METTL6: variants seen among roughly 807,000 people sequenced by gnomAD.
METTL6 encodes tRNA N(3)-cytidine methyltransferase METTL6.
A neutral mutation model predicts 26.4 loss-of-function variants in METTL6; 22 were observed. The observed-to-expected ratio is 0.83, with a 90% CI of 0.59 to 1.19. The LOEUF (loss-of-function observed/expected upper bound fraction) is 1.19. Ranked by LOEUF, METTL6 falls within the 50% of genes most tolerant of loss-of-function variation. The pLI is 0.00. For missense variants in METTL6, 304 were observed against 324.8 expected (o/e 0.94, Z 0.49); for synonymous variants, 109 against 116.2 (o/e 0.94, Z 0.40).
intron 6 of METTL6, chr3:15,399,554 GTGTGT>G: frequency 6.7e-6 from 1 of 149,816 alleles, no homozygotes. Context: ...TTGTGTGTGT[GTGTGT>G]GTGTGTGTGT....
chr3:15,410,640 T>C lies in METTL6; in HGVS notation c.*616A>G, dbSNP rs961054906. 2.6e-5 allele frequency among the ~76,000 whole-genome samples: 4 copies of C among 151,998 alleles called. No individual in the cohort carries two copies. Among genetic ancestry groups the C allele is most frequent in the African/African-American group, 9.7e-5 (4 of 41,362 alleles). ...CTTAAGAAAAGTAACTGACTGCAGT[T>C]GAAAACAGGTAATTGAAATTGTGGT... On this transcript the variant is annotated 3_prime_UTR_variant, in exon 6 of 6. Coordinates refer to ENST00000383790, the MANE Select transcript of METTL6 (RefSeq NM_152396.4).
chr3:15,389,388 T>A (rs2124896360), intron 6 of METTL6, among the ~76,000 whole-genome samples: 1 of 152,282 alleles, frequency 6.6e-6, no homozygotes, highest in East Asian at 1.9e-4. Context: ...AACGATCGTT[T>A]TCCTTGGTGG....
At chr3:15,419,185 T>TTA (rs1553630240) in intron 3 of METTL6, among the ~76,000 whole-genome samples, 1 of 148,676 alleles carries the variant, frequency 6.7e-6, no homozygotes, top group East Asian at 2.0e-4. Context: ...AATCCTTGTG[T>TTA]AAAAAAAAAA....
chr3:15,395,722 TTGTC>T (rs1299748397), intron 6 of METTL6, among the ~76,000 whole-genome samples: 1 of 152,192 alleles, frequency 6.6e-6, no homozygotes, highest in African/African-American at 2.4e-5. Flanking sequence ...CAGCATTTGC[TTGTC>T]TGTATTTTAT....
chr3:15,424,465 C>T (rs1201055310), intron 3 of METTL6, among the ~76,000 whole-genome samples: 2 of 152,142 alleles, frequency 1.3e-5, no homozygotes, highest in East Asian at 1.9e-4. Flanking sequence ...CAAGGTTTCA[C>T]CATGTTGCCC....
At chr3:15,384,147 A>G (rs1699131825) in exon 7 of METTL6, 2 of 400,058 alleles carry the variant, frequency 5.0e-6, no homozygotes, top group South Asian at 3.5e-5. Flanking sequence ...ACAGCCAGAT[A>G]TCCTACAAAG....
exon 7 of METTL6, chr3:15,382,185 G>C (rs372322050): frequency 6.6e-6 from 1 of 152,086 alleles, no homozygotes; most frequent in East Asian, 1.9e-4. Flanking sequence ...GAAGTGCTGG[G>C]ATTATAGGCA....
chr3:15,395,506 G>T (rs1699462412), intron 6 of METTL6, among the ~76,000 whole-genome samples: 1 of 151,792 alleles, frequency 6.6e-6, no homozygotes, highest in Non-Finnish European at 1.5e-5. Context: ...TACATTTAAG[G>T]TTAATATGGT....
chr3:15,405,930 C>T (rs531177369), downstream of METTL6, among the ~76,000 whole-genome samples: 38 of 152,232 alleles, frequency 2.5e-4, no homozygotes, highest in Non-Finnish European at 8.8e-5. Flanking sequence ...AAGTCCTGCA[C>T]TTGAACCCAT....
At chr3:15,391,231 G>A (rs927998350) in intron 6 of METTL6, among the ~76,000 whole-genome samples, 5 of 152,228 alleles carry the variant, frequency 3.3e-5, no homozygotes, top group African/African-American at 1.2e-4. Flanking sequence ...ACAGGATGGG[G>A]AAATGGCAGG....
intron 1 of METTL6, 148 bp from the exon 2 acceptor site, chr3:15,426,783 C>T (rs2061735307): frequency 3.9e-6 from 2 of 508,496 alleles, no homozygotes; most frequent in East Asian, 6.6e-5. Flanking sequence ...ACACACAGTC[C>T]CTACCTTCAG....
chr3:15,404,929 T>C (rs767966647), downstream of METTL6, among the ~76,000 whole-genome samples: 32 of 152,220 alleles, frequency 2.1e-4, no homozygotes, highest in Non-Finnish European at 2.9e-4. Context: ...ATAGAGAACA[T>C]GGCCCTGCAA....
chr3:15,425,131 A>G, intron 2 of METTL6, 42 bp from the exon 3 acceptor site: 1 of 1,603,914 alleles, frequency 6.2e-7, no homozygotes, highest in Non-Finnish European at 8.5e-7. Flanking sequence ...TCACATTTGC[A>G]TAATGAAGAA....
chr3:15,403,498 T>C (rs1222771404), intron 6 of METTL6, among the ~76,000 whole-genome samples: 1 of 152,226 alleles, frequency 6.6e-6, no homozygotes, highest in Non-Finnish European at 1.5e-5. Context: ...AAATATTCTT[T>C]CCAAATGACA....
chr3:15,393,168 T>C (rs192858873), intron 6 of METTL6, among the ~76,000 whole-genome samples: 15 of 152,356 alleles, frequency 9.8e-5, no homozygotes, highest in Admixed American at 9.8e-4. Context: ...CCTCTTCTAT[T>C]ACATTGAGCA....
At chr3:15,427,260 G>A (rs1211198315) in intron 1 of METTL6, 142 bp downstream of exon 1, 1 of 171,364 alleles carries the variant, frequency 5.8e-6, no homozygotes, top group East Asian at 1.9e-4. Flanking sequence ...CCTCAGGATA[G>A]ACTAGGCTGC....
intron 4 of METTL6, 138 bp from the exon 5 acceptor site, chr3:15,414,300 G>T: frequency 6.9e-7 from 1 of 1,442,756 alleles, no homozygotes; most frequent in Non-Finnish European, 9.1e-7. Flanking sequence ...AACCAAAATG[G>T]CCTACTACTT....
intron 3 of METTL6, among the ~76,000 whole-genome samples, chr3:15,420,855 T>A (rs1375831428): frequency 1.3e-5 from 2 of 152,206 alleles, no homozygotes; most frequent in African/African-American, 4.8e-5. Flanking sequence ...CTTATATCTA[T>A]CCACTGAGTT....
intron 6 of METTL6, among the ~76,000 whole-genome samples, chr3:15,390,719 G>T (rs1289279455): frequency 6.6e-6 from 1 of 152,312 alleles, no homozygotes; most frequent in South Asian, 2.1e-4. Context: ...TCAGTCCGAG[G>T]ACAGCTAAGT....
Sources: gnomAD v4.1 joint callset for allele counts (sites outside exome capture counted in the v4.1 genomes callset) on GRCh38, gnomAD v4.1.1 for gene constraint, MANE v1.5 for transcripts, NCBI Gene and HGNC (gene_info 2026-07-23, HGNC 2026-07-21) for gene names.